DLST: variants seen among roughly 807,000 people sequenced by gnomAD.
The protein encoded by DLST is dihydrolipoyllysine-residue succinyltransferase component of 2-oxoglutarate dehydrogenase complex, mitochondrial.
A neutral mutation model predicts 53.1 loss-of-function variants in DLST; 17 were observed. That is an observed-to-expected ratio of 0.32 (90% CI 0.22 to 0.48). The LOEUF is 0.48. Ranked by LOEUF, DLST falls within the 20% of genes least tolerant of loss-of-function variation. The pLI is 0.99. For synonymous variants in DLST, 206 were observed against 204.8 expected (o/e 1.01, Z -0.05); for missense variants, 512 against 583.9 (o/e 0.88, Z 1.27).
chr14:74,891,743 T>G, intron 7 of DLST: 1 of 985,034 alleles, frequency 1.0e-6, no homozygotes, highest in Non-Finnish European at 1.2e-6. Flanking sequence ...AAAAGTCTAT[T>G]TCTTTTTCCT....
At chr14:74,901,014 G>C in intron 13 of DLST, 52 bp from the exon 14 acceptor site, 1 of 1,591,962 alleles carries the variant, frequency 6.3e-7, no homozygotes, top group Non-Finnish European at 8.6e-7. Context: ...ACTGACTTTA[G>C]GTGAAGGAAA....
At chr14:74,895,313 G>A (rs1219152929) in intron 10 of DLST, among the ~76,000 whole-genome samples, 2 of 152,214 alleles carry the variant, frequency 1.3e-5, no homozygotes, top group Non-Finnish European at 1.5e-5. Context: ...AATTCACTAG[G>A]TATGCCCATT....
intron 10 of DLST, 23 bp downstream of exon 10, chr14:74,894,432 T>C (rs746539382): frequency 4.3e-6 from 7 of 1,611,262 alleles, no homozygotes; most frequent in Non-Finnish European, 4.2e-6. Context: ...GTCCCTCTTA[T>C]CCCCTAGGCC....
chr14:74,882,158 G>C, intron 1 of DLST, 142 bp downstream of exon 1: 1 of 707,214 alleles, frequency 1.4e-6, no homozygotes. Context: ...GGGCTGGGCG[G>C]CCCGGGGCCG....
chr14:74,898,545 G>A (rs748337277), intron 11 of DLST, 46 bp downstream of exon 11: 15 of 1,604,156 alleles, frequency 9.4e-6, no homozygotes, highest in Admixed American at 3.4e-5. Context: ...GGAGGTAGGT[G>A]TATGAGCACA....
rs148302005 is a variant in DLST at position 74,892,881 on chromosome 14, C to T, written c.490C>T (p.Pro164Ser). 4.4e-4 allele frequency: 706 copies of T among 1,613,806 alleles called. No individual in the cohort carries two copies. Among genetic ancestry groups the T allele is most frequent in the Non-Finnish European group, 5.4e-4 (636 of 1,179,970 alleles). The stretch of plus-strand genomic sequence containing the variant: ...GGCTGAAGCTCCTGCTGCTGCAGCC[C>T]CAAAAGCAGAACCTACAGCAGCGGC... ...KPAEAPAAAA[P>S]KAEPTAAAVP... The change falls in exon 8 of 15, where the codon CCA becomes TCA. Residue 164 changes from proline (P) to serine (S), a missense_variant. Physicochemically the swap from Pro to Ser is moderately conservative, Grantham distance 74 (BLOSUM62 -1). Around this residue, in one of 4 missense-constraint regions of DLST, gnomAD observed 162 missense variants for 162.0 expected, o/e 1.00. Transcript: ENST00000334220.
At chr14:74,894,897 G>A (rs886595680) in intron 10 of DLST, among the ~76,000 whole-genome samples, 8 of 151,988 alleles carry the variant, frequency 5.3e-5, no homozygotes, top group Non-Finnish European at 1.0e-4. Flanking sequence ...TCTCTAATTG[G>A]CTTTCCTAAT....
chr14:74,889,520 C>T, intron 5 of DLST, 171 bp downstream of exon 5: 1 of 606,798 alleles, frequency 1.6e-6, no homozygotes, highest in Non-Finnish European at 2.8e-6. Context: ...AGGTGCCCAC[C>T]ACCATGCCTG....
At position 74,891,163 on chromosome 14, in the gene DLST, T is replaced by C; in HGVS notation, c.438T>C (p.Thr146=). The change falls in exon 7 of 15, where the codon ACT becomes ACC. Residue 146 remains threonine, a synonymous_variant. Transcript: ENST00000334220. ...GGTPLFTLRK[T]GAAPAKAKPA... ...CTCCACTTTTCACACTCAGGAAAAC[T>C]GGTGGTAAAGAAGTTCTCCTGGTGG... 1 of 1,614,082 alleles carries C rather than the reference T, an allele frequency of 6.2e-7. No homozygotes were observed. The highest frequency in any genetic ancestry group is 8.5e-7 in the Non-Finnish European group (1 of 1,179,976).
At chr14:74,893,010 C>T (rs868527864) in intron 8 of DLST, 24 bp downstream of exon 8, 2 of 1,603,586 alleles carry the variant, frequency 1.2e-6, no homozygotes, top group Non-Finnish European at 1.7e-6. Context: ...TCCCACATGT[C>T]ATGTGGGAGA....
At chr14:74,897,067 C>T (rs895115025) in intron 10 of DLST, among the ~76,000 whole-genome samples, 2 of 152,160 alleles carry the variant, frequency 1.3e-5, no homozygotes, top group Non-Finnish European at 2.9e-5. Context: ...ACTTAATGAC[C>T]AGACAATAAC....
chr14:74,888,981 A>G, intron 3 of DLST, 114 bp from the exon 4 acceptor site: 2 of 1,037,026 alleles, frequency 1.9e-6, no homozygotes, highest in Non-Finnish European at 3.0e-6. Flanking sequence ...ACACTGATGG[A>G]CACCCCTGGT....
intron 11 of DLST, among the ~76,000 whole-genome samples, chr14:74,899,483 C>T (rs910701557): frequency 6.6e-6 from 1 of 152,062 alleles, no homozygotes; most frequent in South Asian, 2.1e-4. Flanking sequence ...TCTTGGATCT[C>T]CCCTCTTCCT....
chr14:74,882,839 T>G (rs1052825673), intron 2 of DLST, among the ~76,000 whole-genome samples: 4 of 152,250 alleles, frequency 2.6e-5, no homozygotes, highest in African/African-American at 7.2e-5. Context: ...ACGCTAGGGA[T>G]ACAGGAGTGG....
chr14:74,888,271 TG>T (rs1475323645), intron 3 of DLST, among the ~76,000 whole-genome samples: 1 of 142,554 alleles, frequency 7.0e-6, no homozygotes, highest in Non-Finnish European at 1.5e-5. Context: ...TTTTTGTTTT[TG>T]GGTTTTTTTT....
At chr14:74,887,521 CTTTA>C (rs934338159) in intron 3 of DLST, among the ~76,000 whole-genome samples, 3 of 152,078 alleles carry the variant, frequency 2.0e-5, no homozygotes, top group East Asian at 1.9e-4. Context: ...AAGGTACCCA[CTTTA>C]TTTAATAAAT....
Position 74,892,928 on chromosome 14 carries a change from C to A in DLST, c.537C>A (p.Pro179=). ...TAAAVPPPAA[P]IPTQMPPVPS... is the part of the protein sequence containing the mutation. ...CGGCAGTTCCTCCCCCTGCAGCACC[C>A]ATACCCACTCAGATGCCACCGGTGC... The change falls in exon 8 of 15, where the codon CCC becomes CCA. Residue 179 remains proline, a synonymous_variant. Transcript: ENST00000334220. 1.2e-6 allele frequency: 2 copies of A among 1,614,148 alleles called. No individual in the cohort carries two copies. The highest frequency in any genetic ancestry group is 2.2e-5 in the East Asian group (1 of 44,874).
chr14:74,891,434 T>C (rs939614453), intron 7 of DLST: 7 of 1,124,496 alleles, frequency 6.2e-6, no homozygotes, highest in East Asian at 5.0e-5. Flanking sequence ...CCTTTTCTTA[T>C]AGATATACAG....
intron 2 of DLST, among the ~76,000 whole-genome samples, chr14:74,883,118 C>G (rs1442006027): frequency 2.0e-5 from 3 of 151,976 alleles, no homozygotes; most frequent in Admixed American, 6.6e-5. Flanking sequence ...CACGGTGAAA[C>G]CCCATCTCTA....
Sources: allele counts gnomAD v4.1 joint callset (sites outside exome capture counted in the v4.1 genomes callset), GRCh38; gene constraint gnomAD v4.1.1; regional missense constraint gnomAD v4.1.1; transcripts MANE v1.5; gene names NCBI Gene and HGNC (gene_info 2026-07-23, HGNC 2026-07-21).